Variants in DMD observed in about 807,000 individuals in gnomAD.
DMD encodes the protein dystrophin.
Under a neutral mutation model 330.1 loss-of-function variants are expected in DMD, and 63 were observed. The ratio of observed to expected loss-of-function variants is 0.19; its 90% CI spans 0.16 to 0.24. DMD has a LOEUF of 0.24. DMD is among the 10% of genes least tolerant of loss of function. DMD has a pLI of 1.00. For synonymous variants in DMD, 1,223 were observed against 959.8 expected, an observed-to-expected ratio of 1.27 and a Z score of -5.07; for missense variants, 3,344 against 2,684.1, an observed-to-expected ratio of 1.25 and a Z score of -5.43.
chrX:32,188,566 T>C (rs905734482), intron 44 of DMD, among the ~76,000 whole-genome samples: 1 of 107,086 alleles, frequency 9.3e-6, no homozygotes, highest in African/African-American at 3.4e-5. Context: ...TCCAATCTTA[T>C]TTGGATGTTT....
At chrX:31,437,352 A>C (rs2064605088) in intron 60 of DMD, among the ~76,000 whole-genome samples, 1 of 111,720 alleles carries the variant, frequency 9.0e-6, no homozygotes, top group South Asian at 3.7e-4. Flanking sequence ...GTAGTTTGGG[A>C]ATGAATTTCT....
intron 52 of DMD, among the ~76,000 whole-genome samples, chrX:31,696,046 T>C (rs955735575): frequency 3.8e-4 from 42 of 111,614 alleles, no homozygotes; most frequent in South Asian, 1.8e-3. Context: ...CATAATATAG[T>C]TGTCGACTAA....
chrX:32,180,481 C>T (rs1313885700), intron 44 of DMD, among the ~76,000 whole-genome samples: 1 of 110,921 alleles, frequency 9.0e-6, no homozygotes, highest in Non-Finnish European at 1.9e-5. Context: ...AAAACCTTTC[C>T]CATTTACAGA....
At chrX:33,060,023 C>T (rs915291388) in intron 1 of DMD, among the ~76,000 whole-genome samples, 1 of 111,655 alleles carries the variant, frequency 9.0e-6, no homozygotes, top group African/African-American at 3.3e-5. Context: ...AATGTGCGAT[C>T]CTTATACTGT....
intron 3 of DMD, among the ~76,000 whole-genome samples, chrX:32,849,340 T>A (rs747762303): frequency 8.9e-6 from 1 of 111,854 alleles, no homozygotes; most frequent in African/African-American, 3.3e-5. Context: ...TACACTATAA[T>A]GCCTGTACCT....
chrX:33,147,537 T>A (rs180757646), intron 1 of DMD, among the ~76,000 whole-genome samples: 1,497 of 112,119 alleles, frequency 0.013, 22 homozygotes, highest in African/African-American at 0.045. Context: ...AATTTAAGCA[T>A]TTTTTGTCTC....
At chrX:32,998,373 A>C (rs947829780) in intron 2 of DMD, among the ~76,000 whole-genome samples, 4 of 83,251 alleles carry the variant, frequency 4.8e-5, no homozygotes. Flanking sequence ...AGTGTCAAAA[A>C]AAAAAAAAAA....
At position 32,619,285 on chromosome X, in the gene DMD, T is replaced by C. The variant is rs145369424; in HGVS notation, c.1332-4832A>G. Among the ~76,000 whole-genome samples the C allele has an allele frequency of 6.4e-3, 707 of 111,246 alleles. 11 individuals carry two copies. The highest frequency in any genetic ancestry group is 0.027 in the East Asian group (93 of 3,496). ...TGATCCCACAGAAGTAGGGAATGAA[T>C]AGTGGTTACCAGAGGCTGAGGTGGT... On this transcript the variant is annotated intron_variant, in intron 11 of 78. Coordinates refer to ENST00000357033, the MANE Select transcript of DMD (RefSeq NM_004006.3).
At chrX:31,894,120 C>T (rs2094297316) in intron 47 of DMD, among the ~76,000 whole-genome samples, 1 of 111,955 alleles carries the variant, frequency 8.9e-6, no homozygotes. Context: ...GATACCCTGT[C>T]ACCCTAAGCA....
At chrX:31,702,821 C>T (rs2083908164) in intron 52 of DMD, among the ~76,000 whole-genome samples, 2 of 109,239 alleles carry the variant, frequency 1.8e-5, no homozygotes, top group African/African-American at 6.7e-5. Context: ...TTTTGCACTC[C>T]CCATCCTTCT....
intron 1 of DMD, among the ~76,000 whole-genome samples, chrX:33,312,143 G>C (rs1181978182): frequency 9.0e-6 from 1 of 110,674 alleles, no homozygotes; most frequent in African/African-American, 3.3e-5. Context: ...AATAAAAAAG[G>C]AATAAAAAAG....
chrX:32,813,892 A>G (rs2077544380), intron 6 of DMD, among the ~76,000 whole-genome samples: 2 of 112,156 alleles, frequency 1.8e-5, no homozygotes, highest in Non-Finnish European at 3.8e-5. Context: ...GATTATAAGT[A>G]ATAAAATTAG....
intron 7 of DMD, among the ~76,000 whole-genome samples, chrX:32,778,243 CA>C (rs35311570): frequency 0.065 from 4,399 of 67,543 alleles, 283 homozygotes; most frequent in African/African-American, 0.22. Context: ...CAGATCCTCG[CA>C]AAAAAAAAAA....
intron 2 of DMD, among the ~76,000 whole-genome samples, chrX:32,857,064 G>C (rs1387477073): frequency 1.9e-5 from 2 of 105,260 alleles, no homozygotes. Context: ...GACAGAGCAA[G>C]ACTGCGTCTC....
chrX:31,507,551 T>C (rs2071077566), intron 55 of DMD, 98 bp from the exon 56 acceptor site: 1 of 864,271 alleles, frequency 1.2e-6, no homozygotes, highest in East Asian at 3.4e-5. Flanking sequence ...TAAATAATTA[T>C]TAGTTCAAAA....
At chrX:31,314,837 C>G (rs1261224380) in intron 62 of DMD, among the ~76,000 whole-genome samples, 1 of 108,540 alleles carries the variant, frequency 9.2e-6, no homozygotes, top group Non-Finnish European at 1.9e-5. Context: ...TCTCCCTACC[C>G]CCTACTCCCC....
intron 1 of DMD, among the ~76,000 whole-genome samples, chrX:33,149,235 G>T (rs2048168265): frequency 9.0e-6 from 1 of 111,447 alleles, no homozygotes; most frequent in African/African-American, 3.3e-5. Flanking sequence ...CATGACGGGA[G>T]ACAGTGACAC....
intron 2 of DMD, among the ~76,000 whole-genome samples, chrX:32,956,041 T>C (rs1412565120): frequency 1.8e-5 from 2 of 111,458 alleles, no homozygotes; most frequent in Non-Finnish European, 3.8e-5. Flanking sequence ...TTTGGTTCCA[T>C]GTGAACTTTG....
intron 11 of DMD, among the ~76,000 whole-genome samples, chrX:32,619,689 T>C (rs1425748307): frequency 9.0e-6 from 1 of 111,713 alleles, no homozygotes; most frequent in African/African-American, 3.3e-5. Context: ...CTGCATACTA[T>C]TGGCAGGAAA....
Sources: allele counts gnomAD v4.1 joint callset (sites outside exome capture counted in the v4.1 genomes callset), GRCh38; gene constraint gnomAD v4.1.1; transcripts MANE v1.5; gene names NCBI Gene and HGNC (gene_info 2026-07-23, HGNC 2026-07-21).